The following OLIG2 variants were observed in gnomAD, a reference collection of about 807,000 sequenced individuals.
The protein encoded by OLIG2 is basic domain, helix-loop-helix protein, class B, 1.
In OLIG2, 12 loss-of-function variants were observed where a neutral mutation model predicts 13.4. That is an observed-to-expected ratio of 0.90 (90% CI 0.58 to 1.46). The LOEUF is 1.46. Among genes scored for constraint, OLIG2 ranks in the 40% most tolerant of loss-of-function variants. The probability of loss-of-function intolerance (pLI) is 0.00; values close to 1 mark genes in which losing one functional copy is unlikely to be tolerated. For synonymous variants in OLIG2, 250 were observed against 233.6 expected, an observed-to-expected ratio of 1.07 and a Z score of -0.64; for missense variants, 415 against 487.9, an observed-to-expected ratio of 0.85 and a Z score of 1.41.
Position 33,027,864 on chromosome 21 carries a change from A to T in OLIG2, c.*30A>T. On this transcript the variant is annotated 3_prime_UTR_variant, in exon 2 of 2. Transcript: ENST00000382357. ...ACTGGCGCCGGCGCGTTCTGGCGAC[A>T]GGGGAGCCAGGGGCCGCGGGGAAGC... 1 of 1,361,848 alleles carries T rather than the reference A, an allele frequency of 7.3e-7. No homozygotes were observed. The highest frequency in any genetic ancestry group is 9.4e-7 in the Non-Finnish European group (1 of 1,063,508). The allele number at this position is 1,361,848 out of a possible 1,614,324, so 84.4% of individuals were successfully genotyped here.
At position 33,027,575 on chromosome 21, in the gene OLIG2, T is replaced by C. The variant is rs1981145101; in HGVS notation, c.713T>C (p.Val238Ala). The change falls in exon 2 of 2, where the codon GTG (valine) becomes GCG (alanine). Residue 238 changes from valine (V) to alanine (A), a missense_variant. By Grantham distance (64) the Val-to-Ala change is moderately conservative. Coordinates refer to ENST00000382357, the MANE Select transcript of OLIG2 (RefSeq NM_005806.4). ...GCTGCCGCCGCTGCAGCCGCGGCTG[T>C]GTCCAGCGCCTCTCTGCCCGGATCC... The part of the protein sequence containing the change: ...AAAAAAAAAA[V>A]SSASLPGSGL... The C allele has an allele frequency of 1.4e-6, 2 of 1,476,826 alleles. No individual in the cohort carries two copies. The highest frequency in any genetic ancestry group is 1.8e-6 in the Non-Finnish European group (2 of 1,119,040). The allele number at this position is 1,476,826 out of a possible 1,614,324, so 91.5% of individuals were successfully genotyped here. A position where few individuals can be genotyped will look rare whatever the true frequency, so the allele number is the denominator to read the frequency against.
At position 33,027,291 on chromosome 21, in the gene OLIG2, G is replaced by A; in HGVS notation, c.429G>A (p.Val143=). 1 of 1,606,682 alleles carries A rather than the reference G, an allele frequency of 6.2e-7. No individual in the cohort carries two copies. The highest frequency in any genetic ancestry group is 1.1e-5 in the South Asian group (1 of 89,682). The part of the protein sequence containing the change: ...EVMPYAHGPS[V]RKLSKIATLL... The stretch of plus-strand genomic sequence containing the variant: ...TGCCGTACGCACACGGCCCTTCGGT[G>A]CGCAAGCTTTCCAAGATCGCCACGC... Residue 143 remains valine (V), a synonymous_variant, in exon 2 of 2, where the codon GTG becomes GTA. Transcript: ENST00000382357.
chr21:33,027,693 C>T lies in OLIG2; in HGVS notation c.831C>T (p.Gly277=), dbSNP rs1981152234. 1.5e-6 allele frequency: 2 copies of T among 1,368,636 alleles called. No homozygotes were observed. The highest frequency in any genetic ancestry group is 7.9e-5 in the Admixed American group (2 of 25,174). The allele number at this position is 1,368,636 out of a possible 1,614,324, so 84.8% of individuals were successfully genotyped here. A position where few individuals can be genotyped will look rare whatever the true frequency, so the allele number is the denominator to read the frequency against. The change falls in exon 2 of 2, where the codon GGC becomes GGT. Residue 277 remains glycine, a synonymous_variant. Coordinates refer to ENST00000382357, the MANE Select transcript of OLIG2 (RefSeq NM_005806.4). ...CCGCCCCGCTGGGGGGCGGGGGCGG[C>T]GGCAGTGGGGCGAGCGGGGGCTTCC... ...AAAAPLGGGG[G]GSGASGGFQH... is the part of the protein sequence containing the mutation.
rs1246995074 is a variant in OLIG2, at chr21:33,026,235, C to A, written c.-63+209C>A. The A allele has an allele frequency of 1.3e-5, 2 of 152,912 alleles. No homozygotes were observed. Among genetic ancestry groups the A allele is most frequent in the Non-Finnish European group, 2.9e-5 (2 of 68,516 alleles). 9.5% of individuals were successfully genotyped at this position (152,912 alleles called of 1,614,324 possible). ...GCGAGAAGTCGGAGCGACAACAGCT[C>A]TTTCTGCCCAAGCCCCAGTCAGCTG... On this transcript the variant is annotated intron_variant, in intron 1 of 1. Coordinates refer to ENST00000382357, the MANE Select transcript of OLIG2 (RefSeq NM_005806.4). This position sits in a 1 kb window ranked among gnomAD's most constrained non-coding sequence, Gnocchi z 6.6.
In OLIG2 at chr21:33,027,811, C is replaced by T. The variant is rs1444902588; in HGVS notation, c.949C>T (p.Arg317Cys). 5 of 1,424,168 alleles carry T rather than the reference C, an allele frequency of 3.5e-6. No individual in the cohort carries two copies. The East Asian group carries it at 1.2e-4, about 35-fold the overall frequency. The allele number at this position is 1,424,168 out of a possible 1,614,324, so 88.2% of individuals were successfully genotyped here. ...VSAMGAGSLPRLTSDAK is the reference protein window; with the variant it reads ...VSAMGAGSLPCLTSDAK ...GGCTATGGGCGCCGGCAGCCTGCCG[C>T]GCCTCACCTCCGACGCCAAGTGAGC... The change falls in exon 2 of 2, where the codon CGC becomes TGC. Residue 317 changes from arginine to cysteine, a missense_variant. By Grantham distance (180) the Arg-to-Cys change is radical. Coordinates refer to ENST00000382357, the MANE Select transcript of OLIG2 (RefSeq NM_005806.4).
Position 33,026,562 on chromosome 21 carries a change from G to A in OLIG2, c.-62-239G>A. On this transcript the variant is annotated intron_variant, in intron 1 of 1. Transcript: ENST00000382357. The surrounding 1 kb of genome is among the most constrained non-coding windows in gnomAD (Gnocchi z 6.6). The stretch of plus-strand genomic sequence containing the variant: ...CCAACGCTCCCTGAAATAACCTGTT[G>A]CATGAGAGCAGAGGGGAGATAGAGA... The A allele has an allele frequency of 2.4e-6, 1 of 412,918 alleles. No homozygotes were observed. The highest frequency in any genetic ancestry group is 4.4e-6 in the Non-Finnish European group (1 of 227,612). The allele number at this position is 412,918 out of a possible 1,614,324, so 25.6% of individuals were successfully genotyped here.
chr21:33,026,809 TC>T lies in OLIG2; in HGVS notation c.-52del, dbSNP rs555172697. 1,737 of 1,587,518 alleles carry T rather than the reference TC, an allele frequency of 1.1e-3. 7 individuals are homozygous for T. The highest frequency in any genetic ancestry group is 7.9e-4 in the Non-Finnish European group (931 of 1,171,446). Reference sequence around the variant, plus strand: ...TCCTCCTCTCCTGGAAGTTTTCGGGTCCGAGGGAAGGAGGACCCTGCGAAAG... The same window carrying T: ...TCCTCCTCTCCTGGAAGTTTTCGGGTCGAGGGAAGGAGGACCCTGCGAAAG... On this transcript the variant is annotated 5_prime_UTR_variant, in exon 2 of 2. Transcript: ENST00000382357. This position sits in a 1 kb window ranked among gnomAD's most constrained non-coding sequence, Gnocchi z 6.6.
At position 33,026,703 on chromosome 21, in the gene OLIG2, A is replaced by T. The variant is rs551107209; in HGVS notation, c.-62-98A>T. The T allele has an allele frequency of 2.2e-6, 2 of 900,446 alleles. No homozygotes were observed. Among genetic ancestry groups the T allele is most frequent in the Non-Finnish European group, 3.3e-6 (2 of 608,772 alleles). 55.8% of individuals were successfully genotyped at this position (900,446 alleles called of 1,614,324 possible). A position where few individuals can be genotyped will look rare whatever the true frequency, so the allele number is the denominator to read the frequency against. On this transcript the variant is annotated intron_variant, in intron 1 of 1. Coordinates refer to ENST00000382357, the MANE Select transcript of OLIG2 (RefSeq NM_005806.4). This position sits in a 1 kb window ranked among gnomAD's most constrained non-coding sequence, Gnocchi z 6.6. ...ACCCCGCGCTGTGGTACTGCGGTGC[A>T]GGCGGGAGCAGCTTTTCTGTCTCTC...
At position 33,027,405 on chromosome 21, in the gene OLIG2, C is replaced by T. The variant is rs767297032; in HGVS notation, c.543C>T (p.His181=). The T allele has an allele frequency of 8.4e-6, 13 of 1,546,710 alleles. No homozygotes were observed. The highest frequency in any genetic ancestry group is 1.2e-5 in the South Asian group (1 of 83,962). The change falls in exon 2 of 2, where the codon CAC becomes CAT. Residue 181 remains histidine (H), a synonymous_variant. Coordinates refer to ENST00000382357, the MANE Select transcript of OLIG2 (RefSeq NM_005806.4). ...TGAGCGAGATCTACGGGGGCCACCA[C>T]GCTGGCTTCCACCCGTCGGCCTGCG... The part of the protein sequence containing the change: ...RLVSEIYGGH[H]AGFHPSACGG...
Position 33,026,931 on chromosome 21 carries a change from G to T in OLIG2, c.69G>T (p.Pro23=), listed in dbSNP as rs775046241. Reference sequence around the variant, plus strand: ...CAGAGCCCGATGACCTTTTTCTGCCGGCCCGGAGTAAGGGCAGCAGCGGCA... The same window carrying T: ...CAGAGCCCGATGACCTTTTTCTGCCTGCCCGGAGTAAGGGCAGCAGCGGCA... ...SSPEPDDLFL[P]ARSKGSSGSA... The change falls in exon 2 of 2, where the codon CCG becomes CCT. Residue 23 remains proline, a synonymous_variant. Transcript: ENST00000382357. The surrounding 1 kb of genome is among the most constrained non-coding windows in gnomAD (Gnocchi z 6.6). 4 of 1,612,316 alleles carry T rather than the reference G, an allele frequency of 2.5e-6. No individual in the cohort carries two copies. Among genetic ancestry groups the T allele is most frequent in the Non-Finnish European group, 3.4e-6 (4 of 1,179,972 alleles).
Position 33,027,541 on chromosome 21 carries a change from G to C in OLIG2, c.679G>C (p.Ala227Pro). The C allele has an allele frequency of 6.8e-7, 1 of 1,473,044 alleles. No homozygotes were observed. The highest frequency in any genetic ancestry group is 9.0e-7 in the Non-Finnish European group (1 of 1,116,764). The allele number at this position is 1,473,044 out of a possible 1,614,324, so 91.2% of individuals were successfully genotyped here. A position where few individuals can be genotyped will look rare whatever the true frequency, so the allele number is the denominator to read the frequency against. ...VHHPILPPAA[A>P]AAAAAAAAAA... ...CCACCCCATCCTGCCGCCCGCCGCC[G>C]CAGCGGCTGCTGCCGCCGCTGCAGC... The change falls in exon 2 of 2, where the codon GCA becomes CCA. Residue 227 changes from alanine to proline, a missense_variant. Coordinates refer to ENST00000382357, the MANE Select transcript of OLIG2 (RefSeq NM_005806.4).
rs1568808540 is a variant in OLIG2 at position 33,026,976 on chromosome 21, C to A, written c.114C>A (p.Thr38=). The change falls in exon 2 of 2, where the codon ACC becomes ACA. Residue 38 remains threonine (T), a synonymous_variant. Transcript: ENST00000382357. This position sits in a 1 kb window ranked among gnomAD's most constrained non-coding sequence, Gnocchi z 6.6. ...GSSGSAFTGG[T]VSSSTPSDCP... ...GCGGCAGCGCCTTCACTGGGGGCAC[C>A]GTGTCCTCGTCCACCCCGAGTGACT... 1 of 1,612,498 alleles carries A rather than the reference C, an allele frequency of 6.2e-7. No individual in the cohort carries two copies. The highest frequency in any genetic ancestry group is 8.5e-7 in the Non-Finnish European group (1 of 1,179,748).
Position 33,026,753 on chromosome 21 carries a change from C to CTCA in OLIG2, c.-62-48_-62-47insTCA. 3.8e-6 allele frequency: 4 copies of CTCA among 1,041,218 alleles called. No individual in the cohort carries two copies. Among genetic ancestry groups the CTCA allele is most frequent in the Non-Finnish European group, 5.3e-6 (4 of 757,496 alleles). The allele number at this position is 1,041,218 out of a possible 1,614,324, so 64.5% of individuals were successfully genotyped here. A position where few individuals can be genotyped will look rare whatever the true frequency, so the allele number is the denominator to read the frequency against. On this transcript the variant is annotated intron_variant, in intron 1 of 1. Transcript: ENST00000382357. The surrounding 1 kb of genome is among the most constrained non-coding windows in gnomAD (Gnocchi z 6.6). ...CACTGACTCACTCTCTCTCTCTCTC[C>CTCA]CTCTCTCTCTCTCTCATTCTCTCTC...
rs2123271929 is a variant in OLIG2, at chr21:33,029,092, T to C, written c.*1258T>C. The C allele has an allele frequency of 4.4e-6, 1 of 227,508 alleles. No individual in the cohort carries two copies. The highest frequency in any genetic ancestry group is 2.3e-5 in the African/African-American group (1 of 44,350). 14.1% of individuals were successfully genotyped at this position (227,508 alleles called of 1,614,324 possible). ...CCTCGCAGAGAGTGTATCATCTGTT[T>C]TATTTTTGTAAAAACAAAGTGCTAA... On this transcript the variant is annotated 3_prime_UTR_variant, in exon 2 of 2. Coordinates refer to ENST00000382357, the MANE Select transcript of OLIG2 (RefSeq NM_005806.4).
At position 33,027,378 on chromosome 21, in the gene OLIG2, G is replaced by A. The variant is rs1340490148; in HGVS notation, c.516G>A (p.Leu172=). 6.4e-7 allele frequency: 1 copy of A among 1,551,612 alleles called. No individual in the cohort carries two copies. Among genetic ancestry groups the A allele is most frequent in the East Asian group, 2.4e-5 (1 of 41,006 alleles). ...ACTCGCTGGAGGAGATGAAGCGACT[G>A]GTGAGCGAGATCTACGGGGGCCACC... ...LTNSLEEMKR[L]VSEIYGGHHA... Residue 172 remains leucine, a synonymous_variant, in exon 2 of 2, where the codon CTG becomes CTA. Coordinates refer to ENST00000382357, the MANE Select transcript of OLIG2 (RefSeq NM_005806.4).
In OLIG2 at chr21:33,028,887, C is replaced by G; in HGVS notation, c.*1053C>G. ...AGCTGTTTGCTCACGTGACTGCCAGCCCCATCGGAGTCTAAGCCGGCTTTC... is the reference window on the plus strand; with the variant it reads ...AGCTGTTTGCTCACGTGACTGCCAGGCCCATCGGAGTCTAAGCCGGCTTTC... On this transcript the variant is annotated 3_prime_UTR_variant, in exon 2 of 2. Coordinates refer to ENST00000382357, the MANE Select transcript of OLIG2 (RefSeq NM_005806.4). The G allele has an allele frequency of 4.1e-6, 1 of 242,314 alleles. No individual in the cohort carries two copies. The highest frequency in any genetic ancestry group is 8.7e-6 in the Non-Finnish European group (1 of 114,476). The allele number at this position is 242,314 out of a possible 1,614,324, so 15.0% of individuals were successfully genotyped here. A position where few individuals can be genotyped will look rare whatever the true frequency, so the allele number is the denominator to read the frequency against.
rs1035189436 is a variant in OLIG2, at chr21:33,027,663, C to G, written c.801C>G (p.Ala267=). ...PHGLLKSPSA[A]AAAPLGGGGG... ...GCCTACTCAAGTCTCCGTCTGCTGC[C>G]GCGGCCGCCCCGCTGGGGGGCGGGG... The change falls in exon 2 of 2, where the codon GCC becomes GCG. Residue 267 remains alanine (A), a synonymous_variant. Transcript: ENST00000382357. 4.2e-5 allele frequency: 59 copies of G among 1,396,554 alleles called. No homozygotes were observed. The highest frequency in any genetic ancestry group is 5.1e-5 in the Non-Finnish European group (55 of 1,084,128). 86.5% of individuals were successfully genotyped at this position (1,396,554 alleles called of 1,614,324 possible). A position where few individuals can be genotyped will look rare whatever the true frequency, so the allele number is the denominator to read the frequency against.
chr21:33,028,124 T>G lies in OLIG2; in HGVS notation c.*290T>G. Reference sequence around the variant, plus strand: ...TTATGAAAAGGTACCGCTGTGTGCATTCCTCACTAGAACTCATCCGACCCC... The same window carrying G: ...TTATGAAAAGGTACCGCTGTGTGCAGTCCTCACTAGAACTCATCCGACCCC... On this transcript the variant is annotated 3_prime_UTR_variant, in exon 2 of 2. Coordinates refer to ENST00000382357, the MANE Select transcript of OLIG2 (RefSeq NM_005806.4). 7.3e-5 allele frequency: 26 copies of G among 354,822 alleles called. No homozygotes were observed. The highest frequency in any genetic ancestry group is 7.5e-4 in the Middle Eastern group (1 of 1,342). The allele number at this position is 354,822 out of a possible 1,614,324, so 22.0% of individuals were successfully genotyped here. A position where few individuals can be genotyped will look rare whatever the true frequency, so the allele number is the denominator to read the frequency against.
Position 33,027,172 on chromosome 21 carries a change from C to A in OLIG2, c.310C>A (p.Pro104Thr), listed in dbSNP as rs748926262. 1 of 1,611,202 alleles carries A rather than the reference C, an allele frequency of 6.2e-7. No homozygotes were observed. The highest frequency in any genetic ancestry group is 8.5e-7 in the Non-Finnish European group (1 of 1,179,214). ...GAAGGACAAGAAGCAAATGACAGAG[C>A]CGGAGCTGCAGCAGCTGCGTCTCAA... is the stretch of plus-strand genomic sequence containing the variant. ...TKKDKKQMTE[P>T]ELQQLRLKIN... The change falls in exon 2 of 2, where the codon CCG becomes ACG. Residue 104 changes from proline (P) to threonine (T), a missense_variant. Physicochemically the swap from Pro to Thr is conservative, Grantham distance 38. This residue lies in a region of OLIG2 where 50 missense variants were observed against 119.9 expected (regional missense o/e 0.42). Transcript: ENST00000382357.
Sources: gnomAD v4.1 joint callset for allele counts on GRCh38, gnomAD v4.1.1 for gene constraint, gnomAD v4.1.1 regional missense constraint, Gnocchi (gnomAD v3.1) non-coding constraint, MANE v1.5 for transcripts, NCBI Gene and HGNC (gene_info 2026-07-23, HGNC 2026-07-21) for gene names.